Variants in EDNRA observed in about 807,000 individuals in gnomAD.
EDNRA encodes the protein endothelin-1 receptor.
EDNRA carries 11 observed loss-of-function variants against 41.4 expected under a neutral mutation model. The ratio of observed to expected loss-of-function variants is 0.27; its 90% CI spans 0.17 to 0.44. The LOEUF is 0.44. Among genes scored for constraint, EDNRA ranks in the 20% least tolerant of loss-of-function variants. EDNRA has a pLI of 1.00. For synonymous variants in EDNRA, 172 were observed against 183.0 expected (o/e 0.94, Z 0.49); for missense variants, 294 against 531.0 (o/e 0.55, Z 4.39).
intron 4 of EDNRA, among the ~76,000 whole-genome samples, chr4:147,534,088 A>G (rs925112430): frequency 6.6e-6 from 1 of 152,024 alleles, no homozygotes; most frequent in Non-Finnish European, 1.5e-5. Context: ...AAAGAGATGC[A>G]TTACCCATTT....
intron 2 of EDNRA, among the ~76,000 whole-genome samples, chr4:147,503,885 T>C (rs1283860826): frequency 2.0e-5 from 3 of 152,144 alleles, no homozygotes; most frequent in Admixed American, 2.0e-4. Context: ...ATAAAAAATA[T>C]TTATTAATTT....
chr4:147,494,251 C>G (rs752049683), intron 2 of EDNRA: 1 of 152,118 alleles, frequency 6.6e-6, no homozygotes, highest in Non-Finnish European at 1.5e-5. Context: ...AGATAGATAT[C>G]CTTGCCCTTG....
intron 2 of EDNRA, among the ~76,000 whole-genome samples, chr4:147,507,683 G>C (rs1443808306): frequency 1.3e-5 from 2 of 152,152 alleles, no homozygotes; most frequent in East Asian, 3.8e-4. Flanking sequence ...ACACAAATTA[G>C]TATATGTGAA....
At chr4:147,493,859 G>A (rs1729219808) in intron 2 of EDNRA, 1 of 152,030 alleles carries the variant, frequency 6.6e-6, no homozygotes, top group South Asian at 2.1e-4. Flanking sequence ...AAATAAATTT[G>A]GAAGGTTTGA....
intron 4 of EDNRA, 93 bp downstream of exon 4, chr4:147,532,797 C>T: frequency 7.6e-7 from 1 of 1,312,190 alleles, no homozygotes; most frequent in South Asian, 1.3e-5. Context: ...GCCACAATGT[C>T]AAGTGTGGTT....
chr4:147,506,405 A>T (rs934087091), intron 2 of EDNRA: 13 of 401,660 alleles, frequency 3.2e-5, no homozygotes, highest in Non-Finnish European at 6.4e-5. Context: ...ACATGAGATT[A>T]AAAAGATTGC....
At position 147,542,634 on chromosome 4, in the gene EDNRA, C is replaced by T. The variant is rs375287100; in HGVS notation, c.*16C>T. 1.9e-6 allele frequency: 3 copies of T among 1,612,826 alleles called. No homozygotes were observed. The highest frequency in any genetic ancestry group is 1.3e-5 in the African/African-American group (1 of 75,042). ...CATGAACTGACCACCCTTAGAAGCA[C>T]TCCTCGGTACTCCCATAATCCTCTC... On this transcript the variant is annotated 3_prime_UTR_variant, in exon 8 of 8. Coordinates refer to ENST00000651419, the MANE Select transcript of EDNRA (RefSeq NM_001957.4).
Position 147,532,663 on chromosome 4 carries a change from C to T in EDNRA, c.706C>T (p.His236Tyr). ...MVPFEYRGEQ[H>Y]KTCMLNATSK... ...ACCCTTTGAATATAGGGGTGAACAGCATAAAACCTGTATGCTCAATGCCAC... is the reference window on the plus strand; with the variant it reads ...ACCCTTTGAATATAGGGGTGAACAGTATAAAACCTGTATGCTCAATGCCAC... The change falls in exon 4 of 8, where the codon CAT (histidine) becomes TAT (tyrosine). Residue 236 changes from histidine to tyrosine, a missense_variant. By Grantham distance (83) the His-to-Tyr change is moderately conservative. Around this residue, in one of 3 missense-constraint regions of EDNRA, gnomAD observed 185 missense variants for 390.8 expected, o/e 0.47. Transcript: ENST00000651419. 6.2e-7 allele frequency: 1 copy of T among 1,614,092 alleles called. No individual in the cohort carries two copies.
At chr4:147,508,022 A>G (rs2126425261) in intron 2 of EDNRA, among the ~76,000 whole-genome samples, 1 of 152,330 alleles carries the variant, frequency 6.6e-6, no homozygotes, top group Non-Finnish European at 1.5e-5. Context: ...GGAGTTCTTT[A>G]TAGATTCTAG....
At chr4:147,485,532 T>A (rs908237553) in intron 1 of EDNRA, 80 bp from the exon 2 acceptor site, 1 of 845,636 alleles carries the variant, frequency 1.2e-6, no homozygotes, top group African/African-American at 1.7e-5. Flanking sequence ...GCATTTTAAT[T>A]GAATCAATAA....
Position 147,542,690 on chromosome 4 carries a change from C to T in EDNRA, c.*72C>T, listed in dbSNP as rs1731150277. On this transcript the variant is annotated 3_prime_UTR_variant, in exon 8 of 8. Transcript: ENST00000651419. ...AAAAAATCACAAGGCAACTGTGAGT[C>T]CGGGAATCTCTTCTCTGATCCTTCT... 2 of 1,543,604 alleles carry T rather than the reference C, an allele frequency of 1.3e-6. No homozygotes were observed. Among genetic ancestry groups the T allele is most frequent in the Admixed American group, 3.6e-5 (2 of 55,134 alleles).
chr4:147,524,267 G>A (rs1560911361), intron 3 of EDNRA, among the ~76,000 whole-genome samples: 1 of 152,054 alleles, frequency 6.6e-6, no homozygotes, highest in Non-Finnish European at 1.5e-5. Context: ...TTTCTTCCTT[G>A]GGGGGATCTA....
chr4:147,541,017 G>A (rs1176807122), intron 7 of EDNRA, among the ~76,000 whole-genome samples: 14 of 136,076 alleles, frequency 1.0e-4, no homozygotes. Flanking sequence ...GCAGTGAGCC[G>A]AGATAGCGCC....
chr4:147,543,521 T>C lies in EDNRA; in HGVS notation c.*903T>C, dbSNP rs1054795653. ...TCAATGTCAAGTACCAAAATGTTAATGTATGTGTCATTTAACTCTGCCTGA... is the reference window on the plus strand; with the variant it reads ...TCAATGTCAAGTACCAAAATGTTAACGTATGTGTCATTTAACTCTGCCTGA... On this transcript the variant is annotated 3_prime_UTR_variant, in exon 8 of 8. Transcript: ENST00000651419. 1 of 152,240 alleles carries C rather than the reference T, an allele frequency of 6.6e-6. No individual in the cohort carries two copies. Among genetic ancestry groups the C allele is most frequent in the Non-Finnish European group, 1.5e-5 (1 of 68,034 alleles). 9.4% of individuals were successfully genotyped at this position (152,240 alleles called of 1,614,324 possible).
intron 2 of EDNRA, among the ~76,000 whole-genome samples, chr4:147,499,074 G>A (rs962689153): frequency 1.3e-5 from 2 of 151,532 alleles, no homozygotes; most frequent in African/African-American, 4.9e-5. Context: ...TTCTTTTTTC[G>A]AGAAAGGGCC....
intron 2 of EDNRA, among the ~76,000 whole-genome samples, chr4:147,513,930 G>A (rs906794899): frequency 1.3e-5 from 2 of 152,190 alleles, no homozygotes; most frequent in African/African-American, 4.8e-5. Context: ...CAAAAATAAT[G>A]TACAAGTAAT....
chr4:147,519,702 A>T lies in EDNRA; in HGVS notation c.421-149A>T. The T allele has an allele frequency of 1.1e-6, 1 of 895,172 alleles. No homozygotes were observed. Among genetic ancestry groups the T allele is most frequent in the Non-Finnish European group, 1.6e-6 (1 of 640,794 alleles). 55.5% of individuals were successfully genotyped at this position (895,172 alleles called of 1,614,324 possible). On this transcript the variant is annotated intron_variant, in intron 2 of 7. Transcript: ENST00000651419. This position sits in a 1 kb window ranked among gnomAD's most constrained non-coding sequence, Gnocchi z 4.1. ...AGGCTTTAAAATACGAAAGAAAAAA[A>T]TAACAATTCTAATACTCTTTTGCTA...
rs1560916164 is a variant in EDNRA, at chr4:147,532,521, C to T, written c.564C>T (p.Ala188=). 2 of 1,613,870 alleles carry T rather than the reference C, an allele frequency of 1.2e-6. No homozygotes were observed. Among genetic ancestry groups the T allele is most frequent in the Admixed American group, 1.7e-5 (1 of 59,974 alleles). ...TTTTTTTCAGGTACAGAGCAGTTGC[C>T]TCCTGGAGTCGTGTTCAGGGAATTG... The part of the protein sequence containing the change: ...ALSVDRYRAV[A]SWSRVQGIGI... Residue 188 remains alanine, a synonymous_variant, in exon 4 of 8, where the codon GCC becomes GCT. Transcript: ENST00000651419.
chr4:147,521,751 T>A (rs967462461), intron 3 of EDNRA, among the ~76,000 whole-genome samples: 1 of 152,244 alleles, frequency 6.6e-6, no homozygotes, highest in African/African-American at 2.4e-5. Context: ...ATTTTCATTA[T>A]AATATCTAAT....
Sources: allele counts gnomAD v4.1 joint callset (sites outside exome capture counted in the v4.1 genomes callset), GRCh38; gene constraint gnomAD v4.1.1; regional missense constraint gnomAD v4.1.1; non-coding constraint Gnocchi (gnomAD v3.1); transcripts MANE v1.5; gene names NCBI Gene and HGNC (gene_info 2026-07-23, HGNC 2026-07-21).